The following MARCHF1 variants were observed in gnomAD, a reference collection of about 807,000 sequenced individuals.
MARCHF1 encodes the protein E3 ubiquitin-protein ligase MARCHF1.
In MARCHF1, 40 loss-of-function variants were observed where a neutral mutation model predicts 54.2. That is an observed-to-expected ratio of 0.74 (90% confidence interval 0.57 to 0.96). MARCHF1 has a LOEUF of 0.96. Ranked by LOEUF, MARCHF1 falls within the 40% of genes least tolerant of loss-of-function variation. MARCHF1 has a pLI of 0.00. For missense variants in MARCHF1, 586 were observed against 656.5 expected (o/e 0.89, Z 1.17); for synonymous variants, 236 against 236.3 (o/e 1.00, Z 0.01).
intron 5 of MARCHF1, among the ~76,000 whole-genome samples, chr4:163,681,072 A>T (rs1744087548): frequency 6.6e-6 from 1 of 151,652 alleles, no homozygotes; most frequent in African/African-American, 2.4e-5. Flanking sequence ...GGTGCTCATT[A>T]GATGAATGCT....
intron 1 of MARCHF1, among the ~76,000 whole-genome samples, chr4:164,378,955 C>T (rs1237178842): frequency 6.6e-6 from 1 of 152,104 alleles, no homozygotes; most frequent in Non-Finnish European, 1.5e-5. Context: ...TCAGGTGATC[C>T]ACCTGCCTAG....
chr4:164,340,405 T>TTATATACATACATATATA lies in MARCHF1; in HGVS notation c.-323+43464_-323+43465insTATATATGTATGTATATA, dbSNP rs58808830. 6.0e-3 allele frequency among the ~76,000 whole-genome samples: 572 copies of TTATATACATACATATATA among 95,608 alleles called. 36 individuals are homozygous for TTATATACATACATATATA. The highest frequency in any genetic ancestry group is 9.6e-3 in the Middle Eastern group (2 of 208). The allele number at this position is 95,608 out of a possible 152,430, so 62.7% of individuals were successfully genotyped here. A position where few individuals can be genotyped will look rare whatever the true frequency, so the allele number is the denominator to read the frequency against. On this transcript the variant is annotated intron_variant, in intron 1 of 9. Coordinates refer to ENST00000514618, the MANE Select transcript of MARCHF1 (RefSeq NM_001394959.1). ...ACAGCACATGCCACCAGGCCTTGATTTATATATAGATATATATATATATAT... is the reference window on the plus strand; with the variant it reads ...ACAGCACATGCCACCAGGCCTTGATTTATATACATACATATATATATATATAGATATATATATATATAT...
intron 5 of MARCHF1, among the ~76,000 whole-genome samples, chr4:163,634,075 C>T (rs1474432759): frequency 1.3e-5 from 2 of 152,104 alleles, no homozygotes; most frequent in South Asian, 4.2e-4. Flanking sequence ...CAGGCCTGCC[C>T]TAAAAGAGCT....
chr4:164,306,519 T>C (rs953843593), intron 1 of MARCHF1, among the ~76,000 whole-genome samples: 1 of 152,152 alleles, frequency 6.6e-6, no homozygotes, highest in Non-Finnish European at 1.5e-5. Flanking sequence ...AGTAAAACGA[T>C]TTGTTTCAAA....
rs1405365602 is a variant in MARCHF1, at chr4:163,528,960, T to TACACTGTACGTACATGAAGACAAGACCTC, written c.1397_1425dup (p.Lys476GlufsTer20). 3 of 1,613,160 alleles carry TACACTGTACGTACATGAAGACAAGACCTC rather than the reference T, an allele frequency of 1.9e-6. No individual in the cohort carries two copies. Among genetic ancestry groups the TACACTGTACGTACATGAAGACAAGACCTC allele is most frequent in the Non-Finnish European group, 2.5e-6 (3 of 1,179,548 alleles). Reference sequence around the variant, plus strand: ...CTGCGCCACAACTGAACATAGACTTTACACTGTACGTACATGAAGACAAGA... The same window carrying TACACTGTACGTACATGAAGACAAGACCTC: ...CTGCGCCACAACTGAACATAGACTTTACACTGTACGTACATGAAGACAAGACCTCACACTGTACGTACATGAAGACAAGA... On this transcript the variant is annotated frameshift_variant, in exon 10 of 10. Transcript: ENST00000514618. LOFTEE classifies it high-confidence loss of function.
intron 4 of MARCHF1, among the ~76,000 whole-genome samples, chr4:163,731,248 T>A (rs1400981773): frequency 6.6e-6 from 1 of 152,206 alleles, no homozygotes; most frequent in Admixed American, 6.5e-5. Flanking sequence ...CTTATGAGCA[T>A]TAGCACTGCA....
chr4:163,767,133 G>A (rs1236632977), intron 4 of MARCHF1, among the ~76,000 whole-genome samples: 1 of 146,642 alleles, frequency 6.8e-6, no homozygotes, highest in Non-Finnish European at 1.5e-5. Context: ...CTTATCCAAG[G>A]ATATAAAGCC....
At chr4:164,108,619 C>A (rs890599338) in intron 2 of MARCHF1, among the ~76,000 whole-genome samples, 1 of 151,886 alleles carries the variant, frequency 6.6e-6, no homozygotes, top group African/African-American at 2.4e-5. Flanking sequence ...CACTTCTATT[C>A]CTCACAGTTT....
At chr4:163,720,102 C>T (rs184427326) in intron 4 of MARCHF1, among the ~76,000 whole-genome samples, 68 of 152,240 alleles carry the variant, frequency 4.5e-4, no homozygotes, top group African/African-American at 1.6e-3. Context: ...TGTCCTTGCC[C>T]ACGCCTATGT....
At chr4:164,046,564 T>A (rs1356269468) in intron 2 of MARCHF1, among the ~76,000 whole-genome samples, 1 of 152,234 alleles carries the variant, frequency 6.6e-6, no homozygotes, top group Non-Finnish European at 1.5e-5. Context: ...ACTCATTAAA[T>A]GCTTAATCTG....
At chr4:163,587,848 G>A (rs1194191610) in intron 7 of MARCHF1, among the ~76,000 whole-genome samples, 3 of 151,334 alleles carry the variant, frequency 2.0e-5, no homozygotes, top group East Asian at 1.9e-4. Context: ...CTTTTTTTGA[G>A]CTGAGTCACA....
chr4:164,064,483 T>C (rs953069940), intron 2 of MARCHF1, among the ~76,000 whole-genome samples: 1 of 152,194 alleles, frequency 6.6e-6, no homozygotes, highest in Non-Finnish European at 1.5e-5. Context: ...ATGCTAGTGA[T>C]TTTTGCATGT....
intron 1 of MARCHF1, among the ~76,000 whole-genome samples, chr4:164,303,197 C>T (rs2111401025): frequency 6.6e-6 from 1 of 152,234 alleles, no homozygotes; most frequent in African/African-American, 2.4e-5. Flanking sequence ...CTACTCAGCT[C>T]GGTTTTGTTT....
At chr4:163,904,734 T>C (rs1166362402) in intron 3 of MARCHF1, among the ~76,000 whole-genome samples, 1 of 141,946 alleles carries the variant, frequency 7.0e-6, no homozygotes, top group Admixed American at 7.2e-5. Context: ...TTATATTTTA[T>C]TCTTTCAGTA....
intron 5 of MARCHF1, among the ~76,000 whole-genome samples, chr4:163,669,731 T>C (rs773217470): frequency 5.9e-5 from 9 of 152,046 alleles, no homozygotes; most frequent in Non-Finnish European, 1.0e-4. Flanking sequence ...CTCAAGTAGA[T>C]GGAATTACAG....
At chr4:164,311,875 G>A (rs192401534) in intron 1 of MARCHF1, among the ~76,000 whole-genome samples, 1,615 of 152,258 alleles carry the variant, frequency 0.011, 11 homozygotes, top group Middle Eastern at 0.017. Flanking sequence ...TCCTGGGATG[G>A]AGGAAAGATT....
At chr4:163,898,015 C>T (rs371216143) in intron 3 of MARCHF1, among the ~76,000 whole-genome samples, 13 of 132,984 alleles carry the variant, frequency 9.8e-5, no homozygotes, top group Admixed American at 3.6e-4. Context: ...GAGCCAAGAT[C>T]GCGCCACTGC....
chr4:164,044,861 C>T (rs1267410489), intron 2 of MARCHF1, among the ~76,000 whole-genome samples: 1 of 151,982 alleles, frequency 6.6e-6, no homozygotes, highest in Admixed American at 6.6e-5. Context: ...ATTTCTCTCC[C>T]CCAGTTCTAA....
intron 4 of MARCHF1, among the ~76,000 whole-genome samples, chr4:163,802,746 T>C (rs1433132276): frequency 2.0e-5 from 3 of 152,210 alleles, no homozygotes; most frequent in Non-Finnish European, 2.9e-5. Context: ...CAGGGACTTA[T>C]TGCATTTATA....
Sources: gnomAD v4.1 joint callset for allele counts (sites outside exome capture counted in the v4.1 genomes callset) on GRCh38, gnomAD v4.1.1 for gene constraint, MANE v1.5 for transcripts, NCBI Gene and HGNC (gene_info 2026-07-23, HGNC 2026-07-21) for gene names.